LY96: variants seen among roughly 807,000 people sequenced by gnomAD.
LY96 encodes the protein myeloid differentiation protein-2.
LY96 carries 18 observed loss-of-function variants against 18.9 expected under a neutral mutation model. That is an observed-to-expected ratio of 0.95 (90% CI 0.66 to 1.41). The LOEUF (loss-of-function observed/expected upper bound fraction) is 1.41. Ranked by LOEUF, LY96 falls within the 40% of genes most tolerant of loss-of-function variation. LY96 has a pLI of 0.00. For missense variants in LY96, 175 were observed against 182.4 expected (o/e 0.96, Z 0.23); for synonymous variants, 66 against 62.6 (o/e 1.06, Z -0.26).
chr8:74,081,085 CTCTCTT>C, the LY96 span, among the ~76,000 whole-genome samples: 1 of 106,926 alleles, frequency 9.4e-6, no homozygotes, highest in Non-Finnish European at 1.7e-5. Context: ...TCTTCTCTTT[CTCTCTT>C]TCTTTCTTTC....
At position 74,004,838 on chromosome 8, in the gene LY96, T is replaced by A; in HGVS notation, c.155T>A (p.Ile52Lys). 1.3e-6 allele frequency: 2 copies of A among 1,589,772 alleles called. No individual in the cohort carries two copies. Among genetic ancestry groups the A allele is most frequent in the Non-Finnish European group, 1.7e-6 (2 of 1,160,148 alleles). ...ATTTCAATTAATGTTAACCCCTGTA[T>A]AGAATTGAAAAGATCCAAAGGATTA... is the stretch of plus-strand genomic sequence containing the variant. ...YPISINVNPCIELKRSKGLLH... is the reference protein window; with the variant it reads ...YPISINVNPCKELKRSKGLLH... Residue 52 changes from isoleucine to lysine, a missense_variant, in exon 2 of 5, where the codon ATA becomes AAA. Physicochemically the swap from Ile to Lys is moderately radical, Grantham distance 102 (BLOSUM62 -3). Coordinates refer to ENST00000284818, the MANE Select transcript of LY96 (RefSeq NM_015364.5).
At chr8:74,028,869 T>C (rs1816920947) in intron 4 of LY96, 87 bp from the exon 5 acceptor site, 10 of 754,388 alleles carry the variant, frequency 1.3e-5, no homozygotes, top group Non-Finnish European at 2.2e-5. Context: ...AATGGCTTTC[T>C]GCTAGTAAGA....
the LY96 span, among the ~76,000 whole-genome samples, chr8:74,045,670 A>T: frequency 1.3e-5 from 2 of 152,146 alleles, no homozygotes; most frequent in Non-Finnish European, 2.9e-5. Context: ...GGCTAGTAGC[A>T]GTGGGGCCCC....
At chr8:74,013,263 C>A (rs1415400023) in intron 3 of LY96, among the ~76,000 whole-genome samples, 1 of 152,022 alleles carries the variant, frequency 6.6e-6, no homozygotes, top group Non-Finnish European at 1.5e-5. Context: ...GCTGGGACTA[C>A]AGGCGTGTGT....
intron 1 of LY96, among the ~76,000 whole-genome samples, chr8:74,001,817 G>A (rs115700825): frequency 0.014 from 2,187 of 152,130 alleles, 40 homozygotes; most frequent in African/African-American, 0.048. Flanking sequence ...CAGCTTGGGT[G>A]ACAGAGCAGA....
chr8:74,056,360 G>T, the LY96 span: 4 of 348,082 alleles, frequency 1.1e-5, no homozygotes, highest in East Asian at 2.3e-4. Flanking sequence ...GGAAGAAGAT[G>T]ATGGAAATCA....
downstream of LY96, chr8:74,029,095 C>T: frequency 3.2e-6 from 4 of 1,232,856 alleles, no homozygotes; most frequent in Non-Finnish European, 4.7e-6. Context: ...AGGTATTGTT[C>T]CTGTTTTAAG....
At chr8:74,079,144 G>A in the LY96 span, among the ~76,000 whole-genome samples, 2 of 152,212 alleles carry the variant, frequency 1.3e-5, no homozygotes, top group Non-Finnish European at 2.9e-5. Flanking sequence ...GAACAGAAAG[G>A]CGGAGGAAAG....
the LY96 span, among the ~76,000 whole-genome samples, chr8:74,046,620 A>G: frequency 2.0e-5 from 3 of 152,202 alleles, no homozygotes; most frequent in East Asian, 5.8e-4. Context: ...TTCTGATATT[A>G]ACAATAAGCA....
At chr8:74,003,001 G>A (rs1371192884) in intron 1 of LY96, among the ~76,000 whole-genome samples, 1 of 152,220 alleles carries the variant, frequency 6.6e-6, no homozygotes. Flanking sequence ...TAAATTGTCT[G>A]TCAGGTAAAT....
rs1381214825 is a variant in LY96 at position 73,991,392 on chromosome 8, G to A, written c.-51G>A. The A allele has an allele frequency of 1.0e-6, 1 of 965,766 alleles. No individual in the cohort carries two copies. Among genetic ancestry groups the A allele is most frequent in the Non-Finnish European group, 1.7e-6 (1 of 590,974 alleles). The allele number at this position is 965,766 out of a possible 1,614,324, so 59.8% of individuals were successfully genotyped here. On this transcript the variant is annotated 5_prime_UTR_variant, in exon 1 of 5. Coordinates refer to ENST00000284818, the MANE Select transcript of LY96 (RefSeq NM_015364.5). ...GCTTACTGAAAAGGAAGAGTCTGAT[G>A]ATTAGTTACTGATCCTCTTTGCATT...
chr8:74,014,667 G>A (rs114171585), intron 3 of LY96, among the ~76,000 whole-genome samples: 1 of 151,950 alleles, frequency 6.6e-6, no homozygotes, highest in Non-Finnish European at 1.5e-5. Context: ...AAATTTGGGA[G>A]TCGAATTTGC....
the LY96 span, among the ~76,000 whole-genome samples, chr8:74,039,717 T>C: frequency 3.9e-5 from 6 of 152,318 alleles, no homozygotes; most frequent in East Asian, 9.6e-4. Context: ...TCTATGCACT[T>C]ATAAGAAAGA....
At chr8:74,031,236 T>G (rs1334570114), downstream of LY96, among the ~76,000 whole-genome samples, 1 of 136,676 alleles carries the variant, frequency 7.3e-6, no homozygotes, top group Non-Finnish European at 1.5e-5. Flanking sequence ...TCTTTTCCAC[T>G]TGGAGACTAT....
At chr8:74,035,142 C>G in the LY96 span, among the ~76,000 whole-genome samples, 2 of 152,188 alleles carry the variant, frequency 1.3e-5, no homozygotes, top group African/African-American at 4.8e-5. Context: ...GATTACTGTA[C>G]TCAAGGCATA....
chr8:74,032,506 T>G (rs1233239355), downstream of LY96, among the ~76,000 whole-genome samples: 1 of 152,214 alleles, frequency 6.6e-6, no homozygotes, highest in East Asian at 1.9e-4. Context: ...ACGTACCCCC[T>G]GCTTGCTCAA....
chr8:74,014,098 A>G (rs986793426), intron 3 of LY96, among the ~76,000 whole-genome samples: 1 of 152,022 alleles, frequency 6.6e-6, no homozygotes, highest in African/African-American at 2.4e-5. Flanking sequence ...TTTGGGAGAC[A>G]GAATAGGCAG....
the LY96 span, among the ~76,000 whole-genome samples, chr8:74,065,761 G>A: frequency 6.6e-6 from 1 of 152,210 alleles, no homozygotes; most frequent in Non-Finnish European, 1.5e-5. Flanking sequence ...TTGAATTACA[G>A]TAGCTATTAA....
At chr8:74,096,216 C>T in the LY96 span, among the ~76,000 whole-genome samples, 1 of 152,188 alleles carries the variant, frequency 6.6e-6, no homozygotes, top group African/African-American at 2.4e-5. Flanking sequence ...CTTCAAGCTT[C>T]CATCCTTGTC....
Sources: allele counts gnomAD v4.1 joint callset (sites outside exome capture counted in the v4.1 genomes callset), GRCh38; gene constraint gnomAD v4.1.1; transcripts MANE v1.5; gene names NCBI Gene and HGNC (gene_info 2026-07-23, HGNC 2026-07-21).